The following ACSL6 variants were observed in gnomAD, a reference collection of about 807,000 sequenced individuals.
ACSL6 encodes the protein long-chain-fatty-acid--CoA ligase 6.
In ACSL6, 47 loss-of-function variants were observed where a neutral mutation model predicts 98.2. The observed-to-expected ratio is 0.48, with a 90% CI of 0.38 to 0.61. The LOEUF is 0.61. ACSL6 is among the 20% of genes least tolerant of loss of function. The pLI is 0.00. For missense variants in ACSL6, 761 were observed against 913.4 expected, an observed-to-expected ratio of 0.83 and a Z score of 2.15; for synonymous variants, 362 against 336.9, an observed-to-expected ratio of 1.07 and a Z score of -0.82.
Position 131,988,221 on chromosome 5 carries a change from T to C in ACSL6, c.658A>G (p.Ile220Val). The C allele has an allele frequency of 1.9e-6, 3 of 1,614,122 alleles. No individual in the cohort carries two copies. The highest frequency in any genetic ancestry group is 2.2e-5 in the South Asian group (2 of 91,086). ...AIRYIINTAD[I>V]STVIVDKPQK... ...GGTTTGTCCACAATCACGGTGCTGA[T>C]GTCCGCTGCAGGGGGCCATCAAGGA... Residue 220 changes from isoleucine (I) to valine (V), a missense_variant, in exon 7 of 21, where the codon ATC becomes GTC. Coordinates refer to ENST00000651883, the MANE Select transcript of ACSL6 (RefSeq NM_001009185.3).
chr5:132,011,812 C>T, upstream of ACSL6: 1 of 1,480,614 alleles, frequency 6.8e-7, no homozygotes, highest in South Asian at 1.4e-5. This position sits in a 1 kb window ranked among gnomAD's most constrained non-coding sequence, Gnocchi z 5.4. Context: ...GGGCTTGCCC[C>T]GCACTGACCG....
At chr5:132,011,963 C>T, upstream of ACSL6, 3 of 1,534,648 alleles carry the variant, frequency 2.0e-6, no homozygotes, top group Non-Finnish European at 2.6e-6. This position sits in a 1 kb window ranked among gnomAD's most constrained non-coding sequence, Gnocchi z 5.4. Context: ...GCGACGAGCG[C>T]CAGAGCGTGA....
chr5:132,010,708 T>G (rs899137130), intron 1 of ACSL6, among the ~76,000 whole-genome samples: 3 of 152,086 alleles, frequency 2.0e-5, no homozygotes, highest in African/African-American at 7.2e-5. Context: ...GAGGTGGAGA[T>G]CCTTTAGTGG....
intron 18 of ACSL6, 113 bp downstream of exon 18, chr5:131,962,422 T>G: frequency 1.6e-6 from 2 of 1,283,220 alleles, no homozygotes; most frequent in Non-Finnish European, 2.1e-6. Flanking sequence ...GAGTTTTCTC[T>G]CATGTTTTAA....
intron 2 of ACSL6, 39 bp downstream of exon 2, chr5:131,993,992 C>A: frequency 6.3e-7 from 1 of 1,598,516 alleles, no homozygotes; most frequent in East Asian, 2.2e-5. Flanking sequence ...GTCCTCTGCC[C>A]CCTACTTTCC....
chr5:131,983,608 G>T (rs1430269478), intron 9 of ACSL6: 1 of 152,300 alleles, frequency 6.6e-6, no homozygotes, highest in African/African-American at 2.4e-5. Context: ...GAGTACAAGA[G>T]GCACAGCATG....
At chr5:131,973,211 A>G (rs574047835) in intron 12 of ACSL6, 55 bp downstream of exon 12, 2 of 1,589,376 alleles carry the variant, frequency 1.3e-6, no homozygotes, top group Admixed American at 1.7e-5. Flanking sequence ...GACCCTGTCC[A>G]AACAAGCAAA....
At chr5:131,970,662 G>T (rs560644153) in intron 14 of ACSL6, among the ~76,000 whole-genome samples, 1 of 152,174 alleles carries the variant, frequency 6.6e-6, no homozygotes, top group South Asian at 2.1e-4. Flanking sequence ...ACCCACCTCG[G>T]CCTCCCAAAG....
chr5:131,958,968 T>C (rs904893352), intron 20 of ACSL6, among the ~76,000 whole-genome samples: 6 of 152,040 alleles, frequency 3.9e-5, no homozygotes, highest in African/African-American at 1.5e-4. Context: ...GATGTATAAA[T>C]GGTATATGTA....
chr5:131,989,283 T>A, intron 5 of ACSL6, 124 bp downstream of exon 5: 3 of 939,528 alleles, frequency 3.2e-6, no homozygotes, highest in Non-Finnish European at 3.3e-6. Flanking sequence ...AGTGGTGGCA[T>A]AGCCCAAGGG....
In ACSL6 at chr5:131,962,486, T is replaced by C. The variant is rs111808940; in HGVS notation, c.1857+49A>G. The C allele has an allele frequency of 2.6e-4, 401 of 1,549,526 alleles. 2 individuals carry two copies. The African/African-American group carries it at 4.8e-3, about 18-fold the overall frequency. On this transcript the variant is annotated intron_variant, in intron 18 of 20. Coordinates refer to ENST00000651883, the MANE Select transcript of ACSL6 (RefSeq NM_001009185.3). ...TGGAGGTTAATGTTTAATCTGGGTT[T>C]TTCAGCATGCCCAGGATATGTGGGA...
intron 13 of ACSL6, among the ~76,000 whole-genome samples, chr5:131,972,343 T>C (rs1753355940): frequency 6.6e-6 from 1 of 152,074 alleles, no homozygotes; most frequent in Non-Finnish European, 1.5e-5. Flanking sequence ...TTTTGAACCA[T>C]TTGGCTAGAC....
At chr5:131,977,065 T>C (rs1448895124) in intron 9 of ACSL6, among the ~76,000 whole-genome samples, 7 of 152,136 alleles carry the variant, frequency 4.6e-5, no homozygotes, top group Non-Finnish European at 1.0e-4. Context: ...CGAGTCCCCT[T>C]ACATATAGCA....
intron 2 of ACSL6, among the ~76,000 whole-genome samples, chr5:131,991,961 A>G (rs1340491255): frequency 6.6e-6 from 1 of 152,206 alleles, no homozygotes; most frequent in Non-Finnish European, 1.5e-5. Flanking sequence ...AGAAGCTGGG[A>G]CACATCCAAT....
At chr5:132,008,650 C>T (rs1335582282) in intron 1 of ACSL6, among the ~76,000 whole-genome samples, 5 of 152,224 alleles carry the variant, frequency 3.3e-5, no homozygotes, top group East Asian at 1.9e-4. Flanking sequence ...ACCCACATTG[C>T]TCAGGCACAA....
At chr5:131,988,263 G>A (rs1417808709) in intron 6 of ACSL6, 37 bp from the exon 7 acceptor site, 13 of 1,608,642 alleles carry the variant, frequency 8.1e-6, no homozygotes, top group South Asian at 2.2e-5. Context: ...GGCCATGTGG[G>A]CCCAGGTCAT....
chr5:131,960,471 A>G, intron 19 of ACSL6, 49 bp downstream of exon 19: 8 of 1,486,580 alleles, frequency 5.4e-6, no homozygotes, highest in Non-Finnish European at 7.4e-6. Context: ...ATTATGTGGT[A>G]CCATAAAACA....
intron 10 of ACSL6, chr5:131,975,244 A>C: frequency 7.7e-7 from 1 of 1,301,760 alleles, no homozygotes; most frequent in Non-Finnish European, 9.8e-7. Context: ...CAGTGGGTCT[A>C]GGTTATCTGC....
At chr5:131,976,785 G>A (rs1753644476) in intron 9 of ACSL6, 64 bp from the exon 10 acceptor site, 1 of 1,389,304 alleles carries the variant, frequency 7.2e-7, no homozygotes, top group African/African-American at 1.4e-5. Context: ...TGAGAGCAGT[G>A]CCCAAGTTGG....
Sources: gnomAD v4.1 joint callset for allele counts (sites outside exome capture counted in the v4.1 genomes callset) on GRCh38, gnomAD v4.1.1 for gene constraint, Gnocchi (gnomAD v3.1) non-coding constraint, MANE v1.5 for transcripts, NCBI Gene and HGNC (gene_info 2026-07-23, HGNC 2026-07-21) for gene names.